Variants in KIZ observed in about 807,000 individuals in gnomAD.
KIZ encodes the protein kizuna centrosomal protein.
In KIZ, 68 loss-of-function variants were observed where a neutral mutation model predicts 79.6. The ratio of observed to expected loss-of-function variants is 0.85; its 90% CI spans 0.70 to 1.05. The LOEUF is 1.05. KIZ is among the 50% of genes least tolerant of loss of function. The pLI is 0.00. For missense variants in KIZ, 797 were observed against 800.4 expected (o/e 1.00, Z 0.05); for synonymous variants, 280 against 281.8 (o/e 0.99, Z 0.06).
At chr20:21,173,122 G>A (rs1244828336) in intron 6 of KIZ, among the ~76,000 whole-genome samples, 1 of 152,152 alleles carries the variant, frequency 6.6e-6, no homozygotes, top group Non-Finnish European at 1.5e-5. Context: ...GAATCACTCT[G>A]GCCACTTATG....
intron 6 of KIZ, among the ~76,000 whole-genome samples, chr20:21,169,449 G>A (rs150068014): frequency 0.012 from 1,877 of 152,248 alleles, 32 homozygotes; most frequent in African/African-American, 0.042. Context: ...GAGAGGATGT[G>A]GAGAAATAGG....
chr20:21,229,171 T>C (rs1487608320), intron 10 of KIZ, 56 bp downstream of exon 10: 2 of 982,536 alleles, frequency 2.0e-6, no homozygotes, highest in African/African-American at 3.2e-5. Flanking sequence ...CAGGGCTGTG[T>C]TCGGGGAAGG....
chr20:21,207,235 C>T (rs2035861717), intron 7 of KIZ, among the ~76,000 whole-genome samples: 2 of 152,184 alleles, frequency 1.3e-5, no homozygotes, highest in African/African-American at 4.8e-5. Context: ...CTTTGCCCCT[C>T]CAGCCTTCCA....
chr20:21,227,107 A>T (rs1600596131), intron 9 of KIZ, among the ~76,000 whole-genome samples: 1 of 152,290 alleles, frequency 6.6e-6, no homozygotes, highest in East Asian at 1.9e-4. Flanking sequence ...TCACATTGGT[A>T]ATTTCCTCCC....
At chr20:21,241,783 T>A (rs1341532254) in intron 11 of KIZ, among the ~76,000 whole-genome samples, 1 of 152,218 alleles carries the variant, frequency 6.6e-6, no homozygotes. Flanking sequence ...TTTGATGAGT[T>A]AAGTGACGAC....
At chr20:21,155,773 C>T (rs2033351727) in intron 4 of KIZ, among the ~76,000 whole-genome samples, 2 of 152,192 alleles carry the variant, frequency 1.3e-5, no homozygotes, top group African/African-American at 2.4e-5. Flanking sequence ...TTATTTGCCT[C>T]ATTTTTATGA....
intron 6 of KIZ, among the ~76,000 whole-genome samples, chr20:21,203,800 T>TA (rs998241453): frequency 7.3e-5 from 11 of 151,588 alleles, no homozygotes; most frequent in East Asian, 5.8e-4. Flanking sequence ...TACTGTGGTT[T>TA]AAAAAAAAAC....
At chr20:21,244,373 A>C in intron 12 of KIZ, 85 bp downstream of exon 12, 1 of 942,356 alleles carries the variant, frequency 1.1e-6, no homozygotes, top group African/African-American at 1.6e-5. Flanking sequence ...TTGCACCCTC[A>C]TGTGAGTCCT....
chr20:21,164,256 A>G (rs2122717180), intron 6 of KIZ, among the ~76,000 whole-genome samples: 1 of 152,340 alleles, frequency 6.6e-6, no homozygotes, highest in East Asian at 1.9e-4. Context: ...CTTATGGTGA[A>G]AAGTTTATGA....
chr20:21,161,958 T>C lies in KIZ; in HGVS notation c.493T>C (p.Ser165Pro). ...PATIFMGRQM[S>P]AILSMRDFST... Reference sequence around the variant, plus strand: ...AACAATCTTTATGGGCCGCCAAATGTCAGCCATCTTAAGCATGAGAGATTT... The same window carrying C: ...AACAATCTTTATGGGCCGCCAAATGCCAGCCATCTTAAGCATGAGAGATTT... Residue 165 changes from serine (S) to proline (P), a missense_variant, in exon 5 of 13, where the codon TCA becomes CCA. By Grantham distance (74) the Ser-to-Pro change is moderately conservative (BLOSUM62 -1). Transcript: ENST00000619189. 6.2e-7 allele frequency: 1 copy of C among 1,613,758 alleles called. No individual in the cohort carries two copies. The highest frequency in any genetic ancestry group is 8.5e-7 in the Non-Finnish European group (1 of 1,179,668).
intron 9 of KIZ, among the ~76,000 whole-genome samples, chr20:21,228,720 G>A (rs568539597): frequency 3.9e-5 from 6 of 152,102 alleles, no homozygotes; most frequent in Non-Finnish European, 7.4e-5. Context: ...ACAAGGCCCC[G>A]AGGGAAGTGA....
intron 1 of KIZ, 67 bp from the exon 2 acceptor site, chr20:21,132,030 A>G: frequency 1.4e-6 from 1 of 717,234 alleles, no homozygotes; most frequent in Non-Finnish European, 2.4e-6. Flanking sequence ...TTCAAAGAAG[A>G]GCATGGTCTA....
At chr20:21,216,771 G>A (rs1012828952) in intron 9 of KIZ, among the ~76,000 whole-genome samples, 2 of 152,128 alleles carry the variant, frequency 1.3e-5, no homozygotes, top group African/African-American at 4.8e-5. Flanking sequence ...AGTATCTAAT[G>A]GCCTCTGAAT....
intron 6 of KIZ, chr20:21,166,210 A>T: frequency 6.5e-7 from 1 of 1,542,682 alleles, no homozygotes; most frequent in Non-Finnish European, 8.8e-7. Context: ...ACATCCCTAG[A>T]AAAAGAATTC....
chr20:21,192,834 T>TTGAA (rs2035173830), intron 6 of KIZ, among the ~76,000 whole-genome samples: 1 of 152,168 alleles, frequency 6.6e-6, no homozygotes, highest in Non-Finnish European at 1.5e-5. Flanking sequence ...GAACATACAG[T>TTGAA]GGCCTGGGAC....
intron 8 of KIZ, 101 bp downstream of exon 8, chr20:21,214,801 C>T: frequency 1.5e-6 from 1 of 678,710 alleles, no homozygotes; most frequent in Non-Finnish European, 2.6e-6. Flanking sequence ...TAGTGAATAC[C>T]TCTGATTTTA....
At chr20:21,211,894 GC>G (rs1427513893) in intron 7 of KIZ, among the ~76,000 whole-genome samples, 2 of 152,156 alleles carry the variant, frequency 1.3e-5, no homozygotes. Flanking sequence ...TTCGAGACCA[GC>G]CTGGCCAACA....
At chr20:21,226,589 C>T (rs2036662452) in intron 9 of KIZ, among the ~76,000 whole-genome samples, 1 of 152,216 alleles carries the variant, frequency 6.6e-6, no homozygotes, top group Non-Finnish European at 1.5e-5. Context: ...TGGGCGGCAG[C>T]AGTGCTAGGC....
At chr20:21,126,043 G>T (rs771246600), upstream of KIZ, 34 of 1,410,548 alleles carry the variant, frequency 2.4e-5, no homozygotes, top group Non-Finnish European at 3.1e-5. Flanking sequence ...GTGCATGGTG[G>T]GGCGGTCTCC....
Sources: allele counts gnomAD v4.1 joint callset (sites outside exome capture counted in the v4.1 genomes callset), GRCh38; gene constraint gnomAD v4.1.1; transcripts MANE v1.5; gene names NCBI Gene and HGNC (gene_info 2026-07-23, HGNC 2026-07-21).